SLC14A2: variants seen among roughly 807,000 people sequenced by gnomAD.
SLC14A2 encodes the protein urea transporter 2.
SLC14A2 carries 91 observed loss-of-function variants against 104.6 expected under a neutral mutation model. The ratio of observed to expected loss-of-function variants is 0.87; its 90% CI spans 0.73 to 1.04. SLC14A2 has a LOEUF of 1.04. SLC14A2 is among the 50% of genes least tolerant of loss of function. SLC14A2 has a pLI of 0.00. For synonymous variants in SLC14A2, 476 were observed against 466.4 expected (o/e 1.02, Z -0.27); for missense variants, 1,189 against 1,156.0 (o/e 1.03, Z -0.41).
intron 1 of SLC14A2, among the ~76,000 whole-genome samples, chr18:45,414,757 AATATATATATATATATAT>A (rs71177674): frequency 1.3e-5 from 1 of 76,124 alleles, no homozygotes; most frequent in Non-Finnish European, 2.2e-5. Context: ...AAAAAAAAAA[AATATATATATATATATAT>A]ATATATATAT....
chr18:45,477,432 G>A (rs1297868278), intron 1 of SLC14A2, among the ~76,000 whole-genome samples: 1 of 152,178 alleles, frequency 6.6e-6, no homozygotes, highest in East Asian at 1.9e-4. Context: ...CCTGCTAGGA[G>A]GCATCTCCCA....
At chr18:45,530,454 A>G (rs2043666085) in intron 2 of SLC14A2, among the ~76,000 whole-genome samples, 2 of 152,160 alleles carry the variant, frequency 1.3e-5, no homozygotes, top group African/African-American at 4.8e-5. Context: ...TGTTGAATCT[A>G]GACAGGTTTT....
intron 2 of SLC14A2, among the ~76,000 whole-genome samples, chr18:45,588,626 T>C (rs924929549): frequency 3.3e-5 from 5 of 152,188 alleles, no homozygotes; most frequent in African/African-American, 9.6e-5. Flanking sequence ...TGGTGATCTC[T>C]GAGGAGAATG....
At chr18:45,458,022 A>G (rs1330447255) in intron 1 of SLC14A2, among the ~76,000 whole-genome samples, 3 of 152,058 alleles carry the variant, frequency 2.0e-5, no homozygotes, top group South Asian at 2.1e-4. Context: ...ATGGTGTTGG[A>G]AAAAAAATGC....
At chr18:45,343,454 C>T (rs559565905) in intron 1 of SLC14A2, among the ~76,000 whole-genome samples, 1 of 152,084 alleles carries the variant, frequency 6.6e-6, no homozygotes, top group South Asian at 2.1e-4. Flanking sequence ...CTCCTCCCTC[C>T]TGTGACCCCC....
intron 1 of SLC14A2, among the ~76,000 whole-genome samples, chr18:45,260,279 A>G (rs1203308670): frequency 6.6e-6 from 1 of 152,212 alleles, no homozygotes; most frequent in Non-Finnish European, 1.5e-5. Flanking sequence ...CCTACAGTTT[A>G]GTTAGGAAGT....
chr18:45,534,478 T>C (rs1462905987), intron 2 of SLC14A2, among the ~76,000 whole-genome samples: 2 of 152,226 alleles, frequency 1.3e-5, no homozygotes, highest in Non-Finnish European at 2.9e-5. Flanking sequence ...TAAGCAGGCC[T>C]CTGAGCTTCT....
chr18:45,168,505 AC>A, the SLC14A2 span: 1 of 152,200 alleles, frequency 6.6e-6, no homozygotes, highest in South Asian at 2.1e-4. Flanking sequence ...AAATTCAACC[AC>A]AAAAAAGAGT....
At chr18:45,268,325 G>A (rs2084613292) in intron 1 of SLC14A2, among the ~76,000 whole-genome samples, 1 of 152,212 alleles carries the variant, frequency 6.6e-6, no homozygotes, top group South Asian at 2.1e-4. Flanking sequence ...AGAAGTAGAA[G>A]AAAGACCACA....
At chr18:45,189,603 T>C in the SLC14A2 span, among the ~76,000 whole-genome samples, 2 of 152,246 alleles carry the variant, frequency 1.3e-5, no homozygotes, top group Non-Finnish European at 1.5e-5. Flanking sequence ...CTGTGTGATA[T>C]TGGCAAAATT....
chr18:45,668,213 T>C, intron 14 of SLC14A2, 136 bp from the exon 15 acceptor site: 2 of 1,269,914 alleles, frequency 1.6e-6, no homozygotes, highest in South Asian at 2.9e-5. Flanking sequence ...GTTGTCTTCC[T>C]TCCCCACTCC....
At chr18:45,260,387 C>A (rs2084523487) in intron 1 of SLC14A2, among the ~76,000 whole-genome samples, 1 of 152,146 alleles carries the variant, frequency 6.6e-6, no homozygotes, top group African/African-American at 2.4e-5. Flanking sequence ...ATTTGAAGAG[C>A]AAACACTATG....
the SLC14A2 span, among the ~76,000 whole-genome samples, chr18:45,173,655 G>A: frequency 6.6e-6 from 1 of 152,050 alleles, no homozygotes; most frequent in African/African-American, 2.4e-5. Flanking sequence ...AACCTGACTT[G>A]GAACTTGAAG....
chr18:45,505,607 C>T (rs115088152), intron 2 of SLC14A2, among the ~76,000 whole-genome samples: 114 of 152,268 alleles, frequency 7.5e-4, no homozygotes, highest in African/African-American at 2.6e-3. Context: ...CAGTGTCTTA[C>T]GTGGCATCTG....
intron 5 of SLC14A2, chr18:45,634,974 A>ATATTT (rs780637738): frequency 4.2e-5 from 17 of 402,636 alleles, no homozygotes; most frequent in Admixed American, 1.4e-4. Flanking sequence ...GGTCTGGGGT[A>ATATTT]TATTTTAAAG....
chr18:45,231,513 A>T (rs1249429245), intron 1 of SLC14A2, among the ~76,000 whole-genome samples: 1 of 152,116 alleles, frequency 6.6e-6, no homozygotes, highest in African/African-American at 2.4e-5. Flanking sequence ...CCCTCCCATT[A>T]TGGTATCTTG....
At chr18:45,288,895 G>A (rs529812311) in intron 1 of SLC14A2, among the ~76,000 whole-genome samples, 111 of 152,294 alleles carry the variant, frequency 7.3e-4, no homozygotes, top group African/African-American at 2.5e-3. Context: ...GATTCATCCC[G>A]CCTTAATGCA....
intron 2 of SLC14A2, among the ~76,000 whole-genome samples, chr18:45,505,018 T>C (rs2043259552): frequency 6.6e-6 from 1 of 152,180 alleles, no homozygotes; most frequent in South Asian, 2.1e-4. Flanking sequence ...GTTGGTTTCC[T>C]TAGCAGTTAC....
intron 1 of SLC14A2, among the ~76,000 whole-genome samples, chr18:45,298,181 G>T (rs907463194): frequency 6.6e-6 from 1 of 152,186 alleles, no homozygotes; most frequent in South Asian, 2.1e-4. Context: ...CTATAAAATA[G>T]CAGGAGAGAT....
Sources: gnomAD v4.1 joint callset for allele counts (sites outside exome capture counted in the v4.1 genomes callset) on GRCh38, gnomAD v4.1.1 for gene constraint, MANE v1.5 for transcripts, NCBI Gene and HGNC (gene_info 2026-07-23, HGNC 2026-07-21) for gene names.